CCDC102B: variants seen among roughly 807,000 people sequenced by gnomAD.
CCDC102B encodes the protein coiled-coil domain-containing protein 102B.
In CCDC102B, 75 loss-of-function variants were observed where a neutral mutation model predicts 57.4. The ratio of observed to expected loss-of-function variants is 1.31; its 90% CI spans 1.08 to 1.58. The LOEUF (loss-of-function observed/expected upper bound fraction) is 1.58, where lower values mean the gene tolerates loss of function less well. Ranked by LOEUF, CCDC102B falls within the 40% of genes most tolerant of loss-of-function variation. The pLI is 0.00. For synonymous variants in CCDC102B, 206 were observed against 201.9 expected (o/e 1.02, Z -0.17); for missense variants, 636 against 582.6 (o/e 1.09, Z -0.94).
chr18:68,843,776 C>T (rs1696972288), intron 3 of CCDC102B, among the ~76,000 whole-genome samples: 1 of 151,938 alleles, frequency 6.6e-6, no homozygotes, highest in Non-Finnish European at 1.5e-5. Context: ...AATACTCTGA[C>T]AATAATATAC....
intron 1 of CCDC102B, among the ~76,000 whole-genome samples, chr18:68,831,057 T>G (rs569398734): frequency 9.9e-5 from 15 of 152,184 alleles, no homozygotes; most frequent in Non-Finnish European, 1.0e-4. Context: ...TCTATGAGGT[T>G]ATTATTATAA....
intron 6 of CCDC102B, among the ~76,000 whole-genome samples, chr18:68,926,991 T>C (rs771431695): frequency 2.8e-4 from 42 of 152,120 alleles, no homozygotes; most frequent in Middle Eastern, 3.4e-3. Context: ...TATTCTTTAG[T>C]CAATATCTTA....
chr18:68,988,327 A>T (rs1287534212), intron 6 of CCDC102B, among the ~76,000 whole-genome samples: 1 of 152,164 alleles, frequency 6.6e-6, no homozygotes, highest in African/African-American at 2.4e-5. Context: ...CTCACTTATA[A>T]GTGGGAGATA....
chr18:68,991,589 C>G (rs535438298), intron 6 of CCDC102B, among the ~76,000 whole-genome samples: 1 of 152,300 alleles, frequency 6.6e-6, no homozygotes, highest in African/African-American at 2.4e-5. Flanking sequence ...GTGATTCCAT[C>G]TAAAATTTTG....
intron 4 of CCDC102B, among the ~76,000 whole-genome samples, chr18:68,864,105 G>A (rs769434862): frequency 2.6e-5 from 4 of 151,874 alleles, no homozygotes; most frequent in Non-Finnish European, 5.9e-5. Flanking sequence ...TAAATATGTT[G>A]AATTATTTTT....
intron 2 of CCDC102B, among the ~76,000 whole-genome samples, chr18:68,733,480 A>ATG (rs1568222774): frequency 1.3e-5 from 1 of 78,100 alleles, no homozygotes; most frequent in African/African-American, 6.4e-5. Context: ...AGACAACTTT[A>ATG]TATATATATA....
At chr18:69,017,323 T>C (rs1431404) in intron 7 of CCDC102B, among the ~76,000 whole-genome samples, 150,594 of 152,190 alleles carry the variant, frequency 0.99, 74,532 homozygotes, top group East Asian at 1. Flanking sequence ...TGGGGTTTCT[T>C]CATGTTGCCC....
At chr18:68,857,008 G>T (rs2038418290) in intron 4 of CCDC102B, among the ~76,000 whole-genome samples, 3 of 128,982 alleles carry the variant, frequency 2.3e-5, no homozygotes, top group Non-Finnish European at 3.1e-5. Flanking sequence ...ATTTTGTTTT[G>T]TCTATTTTCT....
intron 2 of CCDC102B, among the ~76,000 whole-genome samples, chr18:68,751,633 CTGAACATGTCCATCAA>C (rs1429557130): frequency 5.9e-5 from 9 of 152,184 alleles, no homozygotes; most frequent in Non-Finnish European, 1.3e-4. Flanking sequence ...TTTTGCCACT[CTGAACATGTCCATCAA>C]TGACCATGAA....
chr18:69,008,166 A>G (rs1030906797), intron 6 of CCDC102B, among the ~76,000 whole-genome samples: 2 of 152,172 alleles, frequency 1.3e-5, no homozygotes, highest in Admixed American at 6.5e-5. Context: ...TAAATGTTCC[A>G]TTGTTGTTCC....
chr18:68,771,595 T>C (rs1299860556), intron 2 of CCDC102B, among the ~76,000 whole-genome samples: 1 of 152,144 alleles, frequency 6.6e-6, no homozygotes, highest in Admixed American at 6.5e-5. Flanking sequence ...TTTGGAGAAA[T>C]CTTGGGACCA....
At chr18:68,874,218 A>ATG (rs2039353481) in intron 4 of CCDC102B, among the ~76,000 whole-genome samples, 2 of 147,294 alleles carry the variant, frequency 1.4e-5, no homozygotes, top group Non-Finnish European at 3.0e-5. Context: ...GTGTGTATAT[A>ATG]TATATACTTT....
chr18:69,056,530 T>G (rs1375234649), downstream of CCDC102B, among the ~76,000 whole-genome samples: 6 of 152,014 alleles, frequency 3.9e-5, no homozygotes, highest in Admixed American at 3.9e-4. Context: ...TCATCCTTTT[T>G]GCAGAATAAA....
In CCDC102B at chr18:69,011,090, C is replaced by G. The variant is rs2051502850; in HGVS notation, c.1420C>G (p.Gln474Glu). ...GGAAGAACTAAAGCAGGGACTCAAT[C>G]AAAAAGAAGATGAGGTACTACTTTA... Reference protein sequence around the residue: ...RVEELKQGLNQKEDELDDSLN... With the variant: ...RVEELKQGLNEKEDELDDSLN... The change falls in exon 7 of 8, where the codon CAA becomes GAA. Residue 474 changes from glutamine (Q) to glutamate (E), a missense_variant. Coordinates refer to ENST00000360242, the MANE Select transcript of CCDC102B (RefSeq NM_024781.3). 1 of 1,612,276 alleles carries G rather than the reference C, an allele frequency of 6.2e-7. No homozygotes were observed. Among genetic ancestry groups the G allele is most frequent in the Admixed American group, 1.7e-5 (1 of 59,670 alleles).
intron 2 of CCDC102B, among the ~76,000 whole-genome samples, chr18:68,759,456 G>A (rs1436674659): frequency 1.3e-5 from 2 of 151,994 alleles, no homozygotes; most frequent in East Asian, 3.9e-4. Context: ...AAAGGAAGAA[G>A]TAGAGGTGAA....
chr18:68,949,555 A>T (rs776729764), intron 6 of CCDC102B, among the ~76,000 whole-genome samples: 4 of 152,094 alleles, frequency 2.6e-5, no homozygotes, highest in Non-Finnish European at 4.4e-5. Context: ...GTGAATATTT[A>T]GTCAGCTTTT....
At chr18:68,885,001 A>G (rs2039831106) in intron 5 of CCDC102B, among the ~76,000 whole-genome samples, 1 of 151,932 alleles carries the variant, frequency 6.6e-6, no homozygotes, top group South Asian at 2.1e-4. Context: ...AAATATATAC[A>G]ATGCAATTTA....
exon 1 of CCDC102B, chr18:68,715,342 A>T: frequency 5.7e-6 from 5 of 882,682 alleles, no homozygotes; most frequent in South Asian, 2.5e-5. Context: ...AATACCGGTG[A>T]AAGTTATGCT....
intron 6 of CCDC102B, among the ~76,000 whole-genome samples, chr18:68,921,871 A>G (rs1226268101): frequency 6.6e-6 from 1 of 152,166 alleles, no homozygotes. Flanking sequence ...CCAAGATAAT[A>G]AATTTGTATT....
Sources: allele counts gnomAD v4.1 joint callset (sites outside exome capture counted in the v4.1 genomes callset), GRCh38; gene constraint gnomAD v4.1.1; transcripts MANE v1.5; gene names NCBI Gene and HGNC (gene_info 2026-07-23, HGNC 2026-07-21).